Variants in NLGN4Y observed in about 807,000 individuals in gnomAD.
NLGN4Y encodes neuroligin-4, Y-linked.
NLGN4Y carries 4 observed loss-of-function variants against 8.4 expected under a neutral mutation model. That is an observed-to-expected ratio of 0.48 (90% CI 0.23 to 1.09). The LOEUF (loss-of-function observed/expected upper bound fraction) is 1.09, where lower values mean the gene tolerates loss of function less well. Ranked by LOEUF, NLGN4Y falls within the 50% of genes least tolerant of loss-of-function variation. The pLI, the probability that NLGN4Y is intolerant of heterozygous loss-of-function variation, is 0.19. For missense variants in NLGN4Y, 90 were observed against 192.3 expected (o/e 0.47, Z 3.15); for synonymous variants, 35 against 75.6 (o/e 0.46, Z 2.78).
intron 4 of NLGN4Y, among the ~76,000 whole-genome samples, chrY:14,815,085 A>T (rs2043095286): frequency 3.1e-5 from 1 of 32,741 alleles, no homozygotes; most frequent in Non-Finnish European, 7.5e-5. Flanking sequence ...TAAGAAGAAC[A>T]TGCCTTGGCT....
chrY:14,624,731 T>C, intron 2 of NLGN4Y, among the ~76,000 whole-genome samples: 1 of 33,089 alleles, frequency 3.0e-5, no homozygotes, highest in Admixed American at 2.8e-4. Context: ...CGGTTGTTTT[T>C]GTATCTCTAT....
chrY:14,828,487 A>AT, intron 5 of NLGN4Y, among the ~76,000 whole-genome samples: 1 of 32,578 alleles, frequency 3.1e-5, no homozygotes, highest in South Asian at 6.9e-4. Flanking sequence ...ACATATTGAC[A>AT]TTTTTTTCTT....
chrY:14,616,845 G>A (rs890385435), intron 1 of NLGN4Y, among the ~76,000 whole-genome samples: 11 of 33,776 alleles, frequency 3.3e-4, no homozygotes, highest in Non-Finnish European at 7.3e-4. Flanking sequence ...ATTTGCTGAG[G>A]AGTGCTGTAC....
intron 1 of NLGN4Y, among the ~76,000 whole-genome samples, chrY:14,596,941 C>G: frequency 3.0e-5 from 1 of 32,792 alleles, no homozygotes; most frequent in East Asian, 8.3e-4. Context: ...CAAAATGTGT[C>G]TGGAATTGCT....
At chrY:14,595,254 G>T (rs886823066) in intron 1 of NLGN4Y, among the ~76,000 whole-genome samples, 4 of 32,873 alleles carry the variant, frequency 1.2e-4, no homozygotes, top group Non-Finnish European at 3.0e-4. Context: ...CAGCCCGGGG[G>T]TTTTTGTGGT....
intron 4 of NLGN4Y, among the ~76,000 whole-genome samples, chrY:14,805,576 C>T: frequency 3.0e-5 from 1 of 33,834 alleles, no homozygotes; most frequent in Non-Finnish European, 7.3e-5. Flanking sequence ...GTTAAGCCAC[C>T]AAGTTTGTGT....
intron 1 of NLGN4Y, among the ~76,000 whole-genome samples, chrY:14,545,949 T>G (rs2150467619): frequency 3.1e-5 from 1 of 31,901 alleles, no homozygotes; most frequent in East Asian, 8.1e-4. Context: ...GAATTAATTT[T>G]TGTATAAGGT....
intron 4 of NLGN4Y, among the ~76,000 whole-genome samples, chrY:14,751,332 A>C: frequency 3.0e-5 from 1 of 32,944 alleles, no homozygotes; most frequent in Non-Finnish European, 7.4e-5. Flanking sequence ...TCAACTATAT[A>C]CTCTTTTGCA....
chrY:14,824,175 T>C lies in NLGN4Y; in HGVS notation c.686-13T>C, dbSNP rs371116577. On this transcript the variant is annotated splice_polypyrimidine_tract_variant and intron_variant, in intron 4 of 6. Coordinates refer to ENST00000684976, the MANE Select transcript of NLGN4Y (RefSeq NM_001365588.1). ...TTTTTTGACCAACAAAAATGTCCTG[T>C]GTTCTTCTGTAGGGTTTTTAAGTAC... 4 of 395,593 alleles carry C rather than the reference T, an allele frequency of 1.0e-5. No homozygotes were observed. The highest frequency in any genetic ancestry group is 1.4e-5 in the Non-Finnish European group (4 of 282,375).
intron 2 of NLGN4Y, among the ~76,000 whole-genome samples, chrY:14,633,330 A>G: frequency 3.0e-5 from 1 of 33,398 alleles, no homozygotes; most frequent in Non-Finnish European, 7.4e-5. Flanking sequence ...GCTATTTACT[A>G]TTTATTCATT....
At chrY:14,668,339 T>C (rs753982892) in intron 2 of NLGN4Y, among the ~76,000 whole-genome samples, 1 of 33,113 alleles carries the variant, frequency 3.0e-5, no homozygotes, top group African/African-American at 1.2e-4. Context: ...TTTTCCCTTT[T>C]CTTAGATTTC....
At chrY:14,593,460 T>G (rs890572482) in intron 1 of NLGN4Y, among the ~76,000 whole-genome samples, 3 of 33,506 alleles carry the variant, frequency 9.0e-5, no homozygotes, top group South Asian at 1.4e-3. Flanking sequence ...TATGAAAAGT[T>G]TGGTGGAGGG....
chrY:14,609,569 G>A (rs1603501222), intron 1 of NLGN4Y, among the ~76,000 whole-genome samples: 2 of 33,582 alleles, frequency 6.0e-5, no homozygotes, highest in Non-Finnish European at 1.5e-4. Flanking sequence ...AACCCGACTT[G>A]ATCATGGTGG....
intron 4 of NLGN4Y, among the ~76,000 whole-genome samples, chrY:14,736,617 G>C: frequency 3.1e-5 from 1 of 32,301 alleles, no homozygotes; most frequent in African/African-American, 1.2e-4. Flanking sequence ...CTTATGTTGC[G>C]GGAGGGACCC....
chrY:14,748,612 C>T (rs2081029770), intron 4 of NLGN4Y: 1 of 181,986 alleles, frequency 5.5e-6, no homozygotes, highest in African/African-American at 8.8e-5. Context: ...ATTTCCATCT[C>T]ATTCAGCACA....
intron 4 of NLGN4Y, among the ~76,000 whole-genome samples, chrY:14,742,583 A>G: frequency 6.1e-5 from 2 of 32,925 alleles, no homozygotes; most frequent in Non-Finnish European, 1.5e-4. Flanking sequence ...TTAGAAATGT[A>G]AATCTGTTAT....
rs1311611808 is a variant in NLGN4Y at position 14,843,409 on chromosome Y, C to G, written c.*2147C>G. The G allele has an allele frequency of 3.3e-5, 4 of 119,487 alleles. No homozygotes were observed. The highest frequency in any genetic ancestry group is 7.2e-5 in the Non-Finnish European group (4 of 55,764). 29.8% of individuals were successfully genotyped at this position (119,487 alleles called of 400,897 possible). A position where few individuals can be genotyped will look rare whatever the true frequency, so the allele number is the denominator to read the frequency against. On this transcript the variant is annotated 3_prime_UTR_variant, in exon 7 of 7. Transcript: ENST00000684976. ...CAAGCAATGTATGACCCCACCTGAG[C>G]AACCACAAATAGGCTCTCCATGAAA...
At chrY:14,595,889 A>T in intron 1 of NLGN4Y, among the ~76,000 whole-genome samples, 2 of 32,671 alleles carry the variant, frequency 6.1e-5, no homozygotes, top group Admixed American at 2.8e-4. Context: ...AATGTTGAAA[A>T]CCTGCACCCT....
intron 1 of NLGN4Y, among the ~76,000 whole-genome samples, chrY:14,594,902 G>C (rs1044949079): frequency 9.1e-5 from 3 of 32,985 alleles, no homozygotes; most frequent in Admixed American, 2.7e-4. Context: ...ATCCGTACTG[G>C]GGATGGCTTG....
Sources: allele counts gnomAD v4.1 joint callset (sites outside exome capture counted in the v4.1 genomes callset), GRCh38; gene constraint gnomAD v4.1.1; transcripts MANE v1.5; gene names NCBI Gene and HGNC (gene_info 2026-07-23, HGNC 2026-07-21).